Variants in LRP1B observed in about 807,000 individuals in gnomAD.
LRP1B encodes the protein low-density lipoprotein receptor-related protein 1B.
LRP1B carries 217 observed loss-of-function variants against 556.6 expected under a neutral mutation model. The ratio of observed to expected loss-of-function variants is 0.39; its 90% CI spans 0.35 to 0.44. LRP1B has a LOEUF of 0.44. Ranked by LOEUF, LRP1B falls within the 20% of genes least tolerant of loss-of-function variation. The pLI, the probability that LRP1B is intolerant of heterozygous loss-of-function variation, is 1.00. For missense variants in LRP1B, 5,053 were observed against 5,620.8 expected, an observed-to-expected ratio of 0.90 and a Z score of 3.23; for synonymous variants, 2,047 against 1,865.8, an observed-to-expected ratio of 1.10 and a Z score of -2.50.
intron 1 of LRP1B, among the ~76,000 whole-genome samples, chr2:142,003,856 G>C (rs1481526964): frequency 6.6e-6 from 1 of 152,202 alleles, no homozygotes; most frequent in African/African-American, 2.4e-5. Context: ...CTCTGCTCTG[G>C]AGGTAGAAAG....
intron 3 of LRP1B, among the ~76,000 whole-genome samples, chr2:141,479,354 C>G (rs1682830244): frequency 6.6e-6 from 1 of 152,162 alleles, no homozygotes; most frequent in Admixed American, 6.5e-5. Context: ...TGACTTTGAG[C>G]ACTTTAAACG....
At chr2:140,753,150 G>A (rs1372703906) in intron 35 of LRP1B, among the ~76,000 whole-genome samples, 2 of 152,082 alleles carry the variant, frequency 1.3e-5, no homozygotes, top group Non-Finnish European at 2.9e-5. Flanking sequence ...TTTTGCAATA[G>A]TGTGATCATA....
At chr2:140,978,205 C>A (rs147711482) in intron 18 of LRP1B, among the ~76,000 whole-genome samples, 2 of 152,258 alleles carry the variant, frequency 1.3e-5, no homozygotes, top group East Asian at 3.9e-4. Flanking sequence ...CTCGTAAAGG[C>A]AAATGCAAGT....
chr2:141,573,917 A>C (rs111277725), intron 2 of LRP1B, among the ~76,000 whole-genome samples: 5 of 152,306 alleles, frequency 3.3e-5, no homozygotes, highest in African/African-American at 1.2e-4. Context: ...ATCCCTGAAT[A>C]GACCAAAAAC....
intron 7 of LRP1B, among the ~76,000 whole-genome samples, chr2:141,109,480 T>C (rs756639735): frequency 3.9e-5 from 6 of 152,020 alleles, no homozygotes; most frequent in Non-Finnish European, 7.4e-5. Flanking sequence ...GCCAAAAAGA[T>C]TCATTTTTAG....
chr2:141,064,971 A>T (rs1197123744), intron 7 of LRP1B, among the ~76,000 whole-genome samples: 1 of 151,880 alleles, frequency 6.6e-6, no homozygotes, highest in Non-Finnish European at 1.5e-5. Flanking sequence ...GATCCTTATG[A>T]TTTCCCTGAG....
intron 7 of LRP1B, among the ~76,000 whole-genome samples, chr2:141,081,682 CCAATAAACTCTAT>C (rs1224584279): frequency 2.4e-5 from 3 of 124,688 alleles, no homozygotes; most frequent in African/African-American, 8.8e-5. Flanking sequence ...ATTAAATTAG[CCAATAAACTCTAT>C]TAATAGAAAA....
rs953686869 is a variant in LRP1B, at chr2:140,648,278, G to A, written c.6800-46639C>T. 4.6e-5 allele frequency among the ~76,000 whole-genome samples: 7 copies of A among 152,114 alleles called. No homozygotes were observed. In the East Asian group the frequency reaches 1.2e-3, roughly 25 times the overall value. ...CACAGGGTGGGGAACGTCACACACC[G>A]GGGCATGTGGTGGGGTGGGGGAGTG... is the stretch of plus-strand genomic sequence containing the variant. On this transcript the variant is annotated intron_variant, in intron 41 of 90. Transcript: ENST00000389484.
intron 41 of LRP1B, among the ~76,000 whole-genome samples, chr2:140,649,433 C>T (rs1684597907): frequency 1.3e-5 from 2 of 152,268 alleles, no homozygotes; most frequent in South Asian, 4.1e-4. Flanking sequence ...TTGAAGTGTT[C>T]ATTCAATCCC....
chr2:141,996,985 T>C (rs1052987085), intron 1 of LRP1B, among the ~76,000 whole-genome samples: 7 of 152,168 alleles, frequency 4.6e-5, no homozygotes, highest in African/African-American at 1.7e-4. Flanking sequence ...GTTTATCACC[T>C]GTAGAAGTGG....
intron 1 of LRP1B, among the ~76,000 whole-genome samples, chr2:141,880,187 C>T (rs1698908337): frequency 6.6e-6 from 1 of 151,994 alleles, no homozygotes; most frequent in Non-Finnish European, 1.5e-5. Flanking sequence ...TTCTTTTGAG[C>T]TCTGAATGTT....
At chr2:142,003,877 C>T (rs1204055036) in intron 1 of LRP1B, among the ~76,000 whole-genome samples, 1 of 152,206 alleles carries the variant, frequency 6.6e-6, no homozygotes, top group Non-Finnish European at 1.5e-5. Flanking sequence ...GGCTGGCCTC[C>T]AGGCCTTGCC....
intron 2 of LRP1B, among the ~76,000 whole-genome samples, chr2:141,669,696 A>G (rs1690587884): frequency 7.2e-6 from 1 of 139,104 alleles, no homozygotes; most frequent in South Asian, 2.2e-4. Flanking sequence ...CTTCTGCATT[A>G]TATCCTACAT....
chr2:141,584,309 T>C (rs1309595122), intron 2 of LRP1B, among the ~76,000 whole-genome samples: 1 of 152,062 alleles, frequency 6.6e-6, no homozygotes, highest in South Asian at 2.1e-4. Context: ...TGAGATGGAA[T>C]GGTCAAGTGA....
chr2:141,326,132 A>ATT, intron 3 of LRP1B, among the ~76,000 whole-genome samples: 2 of 152,166 alleles, frequency 1.3e-5, no homozygotes, highest in African/African-American at 4.8e-5. Context: ...ACACAGAGAG[A>ATT]CATCTACTGA....
intron 2 of LRP1B, among the ~76,000 whole-genome samples, chr2:141,512,950 C>G (rs1467287596): frequency 6.6e-6 from 1 of 152,094 alleles, no homozygotes; most frequent in African/African-American, 2.4e-5. Flanking sequence ...CTATACATTA[C>G]CGCATTAAAG....
intron 41 of LRP1B, among the ~76,000 whole-genome samples, chr2:140,614,446 AATCAAGTCACTTAAAGG>A (rs1683188232): frequency 6.6e-6 from 1 of 152,126 alleles, no homozygotes; most frequent in Non-Finnish European, 1.5e-5. Flanking sequence ...ATGGTTGAAT[AATCAAGTCACTTAAAGG>A]AAGAGTTGAA....
Position 140,779,755 on chromosome 2 carries a change from A to AGT in LRP1B, c.5360-3519_5360-3518dup, listed in dbSNP as rs70988440. On this transcript the variant is annotated intron_variant, in intron 32 of 90. Transcript: ENST00000389484. ...TGGTGTGTCTGTCTCTCTGTGAGAG[A>AGT]GTGTGTGTGTGTGTGTGTGTGTGTG... is the stretch of plus-strand genomic sequence containing the variant. Among the ~76,000 whole-genome samples, 645 of 135,352 alleles carry AGT rather than the reference A, an allele frequency of 4.8e-3. 6 individuals are homozygous for AGT. Among genetic ancestry groups the AGT allele is most frequent in the African/African-American group, 0.014 (502 of 36,410 alleles). 88.8% of individuals were successfully genotyped at this position (135,352 alleles called of 152,430 possible). A position where few individuals can be genotyped will look rare whatever the true frequency, so the allele number is the denominator to read the frequency against.
chr2:140,707,253 A>C (rs1037623776), intron 37 of LRP1B, among the ~76,000 whole-genome samples: 2 of 152,150 alleles, frequency 1.3e-5, no homozygotes, highest in African/African-American at 2.4e-5. Flanking sequence ...TGAGATAACC[A>C]AAAAATGTTC....
Sources: gnomAD v4.1 joint callset for allele counts (sites outside exome capture counted in the v4.1 genomes callset) on GRCh38, gnomAD v4.1.1 for gene constraint, MANE v1.5 for transcripts, NCBI Gene and HGNC (gene_info 2026-07-23, HGNC 2026-07-21) for gene names.